EDN1: variants seen among roughly 807,000 people sequenced by gnomAD.
EDN1 encodes the protein endothelin-1.
EDN1 carries 11 observed loss-of-function variants against 21.7 expected under a neutral mutation model. The observed-to-expected ratio is 0.51, with a 90% CI of 0.32 to 0.84. The LOEUF (loss-of-function observed/expected upper bound fraction) is 0.84, where lower values mean the gene tolerates loss of function less well. EDN1 is among the 40% of genes least tolerant of loss of function. EDN1 has a pLI of 0.03. For missense variants in EDN1, 244 were observed against 262.3 expected, an observed-to-expected ratio of 0.93 and a Z score of 0.48; for synonymous variants, 85 against 90.6, an observed-to-expected ratio of 0.94 and a Z score of 0.35.
At chr6:12,260,567 C>T in the EDN1 span, among the ~76,000 whole-genome samples, 1 of 152,104 alleles carries the variant, frequency 6.6e-6, no homozygotes, top group Admixed American at 6.5e-5. Context: ...CCTCTTTTTC[C>T]CATTCTACCC....
At chr6:12,277,469 A>G in the EDN1 span, among the ~76,000 whole-genome samples, 1 of 152,382 alleles carries the variant, frequency 6.6e-6, no homozygotes, top group South Asian at 2.1e-4. Context: ...CACATGAGGA[A>G]ATGGAAACAG....
the EDN1 span, among the ~76,000 whole-genome samples, chr6:12,254,395 G>T: frequency 6.6e-6 from 1 of 152,090 alleles, no homozygotes; most frequent in South Asian, 2.1e-4. Context: ...ATCTGGTCGA[G>T]TTCCTATTCT....
At chr6:12,241,446 A>T in the EDN1 span, among the ~76,000 whole-genome samples, 1,051 of 151,754 alleles carry the variant, frequency 6.9e-3, 16 homozygotes, top group African/African-American at 0.024. Flanking sequence ...GCTGGGAAGG[A>T]CACACTTTTA....
the EDN1 span, among the ~76,000 whole-genome samples, chr6:12,277,017 G>T: frequency 6.6e-6 from 1 of 152,200 alleles, no homozygotes; most frequent in Non-Finnish European, 1.5e-5. Context: ...GCTGTAAACA[G>T]ACATTCACAG....
chr6:12,249,011 C>T, the EDN1 span, among the ~76,000 whole-genome samples: 31 of 152,330 alleles, frequency 2.0e-4, no homozygotes, highest in African/African-American at 7.5e-4. Flanking sequence ...TTATTTAGCA[C>T]AAATGTTGAA....
the EDN1 span, among the ~76,000 whole-genome samples, chr6:12,255,654 G>A: frequency 8.9e-3 from 1,358 of 152,270 alleles, 5 homozygotes; most frequent in Non-Finnish European, 0.014. Flanking sequence ...GCTTTCTAGC[G>A]TCCCTGAGAT....
chr6:12,278,094 T>A, the EDN1 span, among the ~76,000 whole-genome samples: 2 of 152,338 alleles, frequency 1.3e-5, no homozygotes, highest in South Asian at 4.1e-4. Flanking sequence ...ATTTATTGAG[T>A]AAGAAAATTA....
chr6:12,277,758 G>T, the EDN1 span, among the ~76,000 whole-genome samples: 1 of 152,234 alleles, frequency 6.6e-6, no homozygotes, highest in Non-Finnish European at 1.5e-5. Flanking sequence ...ACAATGGCGT[G>T]ATAGACATCA....
upstream of EDN1, among the ~76,000 whole-genome samples, chr6:12,289,388 T>A (rs983734291): frequency 6.6e-6 from 1 of 152,134 alleles, no homozygotes; most frequent in Admixed American, 6.5e-5. Context: ...GGTGCATTCC[T>A]CCTTCCTATG....
chr6:12,267,368 C>T, the EDN1 span, among the ~76,000 whole-genome samples: 1 of 152,108 alleles, frequency 6.6e-6, no homozygotes, highest in African/African-American at 2.4e-5. Flanking sequence ...ACTTTCAAGC[C>T]TTATAATTTA....
At chr6:12,292,093 A>C (rs1762695683) in intron 1 of EDN1, among the ~76,000 whole-genome samples, 1 of 152,168 alleles carries the variant, frequency 6.6e-6, no homozygotes, top group Non-Finnish European at 1.5e-5. Flanking sequence ...TCAGGTGTTT[A>C]TCTCCTCTGC....
At chr6:12,256,765 T>C in the EDN1 span, among the ~76,000 whole-genome samples, 1 of 152,216 alleles carries the variant, frequency 6.6e-6, no homozygotes, top group Non-Finnish European at 1.5e-5. Context: ...AATTAGATTG[T>C]ATAGTAGTAG....
rs973327816 is a variant in EDN1 at position 12,296,968 on chromosome 6, C to T, written c.*901C>T. On this transcript the variant is annotated 3_prime_UTR_variant, in exon 5 of 5. Transcript: ENST00000379375. ...GTAAAATTATTTTCCTTTATATAACCGGCTAATGAAAGAGGTTGGATTGAA... is the reference window on the plus strand; with the variant it reads ...GTAAAATTATTTTCCTTTATATAACTGGCTAATGAAAGAGGTTGGATTGAA... The T allele has an allele frequency of 3.9e-5, 6 of 152,082 alleles. No individual in the cohort carries two copies. Among genetic ancestry groups the T allele is most frequent in the African/African-American group, 7.2e-5 (3 of 41,474 alleles). 9.4% of individuals were successfully genotyped at this position (152,082 alleles called of 1,614,324 possible).
chr6:12,291,747 C>T (rs1381241151), intron 1 of EDN1, among the ~76,000 whole-genome samples: 1 of 152,128 alleles, frequency 6.6e-6, no homozygotes, highest in African/African-American at 2.4e-5. Context: ...TGGAGTTACC[C>T]TCCTGAATTG....
chr6:12,286,975 G>A (rs1762567014), upstream of EDN1, among the ~76,000 whole-genome samples: 1 of 151,988 alleles, frequency 6.6e-6, no homozygotes, highest in East Asian at 1.9e-4. Flanking sequence ...AACTTAGCTG[G>A]GCATGGTGGC....
the EDN1 span, among the ~76,000 whole-genome samples, chr6:12,274,314 T>C: frequency 1.3e-5 from 2 of 152,240 alleles, no homozygotes; most frequent in African/African-American, 2.4e-5. Context: ...TATTTCACTT[T>C]CTGGCAGAGA....
the EDN1 span, among the ~76,000 whole-genome samples, chr6:12,268,346 T>C: frequency 6.6e-6 from 1 of 152,224 alleles, no homozygotes; most frequent in Non-Finnish European, 1.5e-5. Context: ...TTAACTACTT[T>C]TTCTTTTGTT....
chr6:12,279,549 G>A, the EDN1 span, among the ~76,000 whole-genome samples: 6 of 152,220 alleles, frequency 3.9e-5, no homozygotes, highest in African/African-American at 1.4e-4. Flanking sequence ...AGGTCAGAGA[G>A]CGATCAGGGT....
chr6:12,294,290 A>T lies in EDN1; in HGVS notation c.419A>T (p.Asn140Ile). The T allele has an allele frequency of 6.2e-7, 1 of 1,614,248 alleles. No homozygotes were observed. Among genetic ancestry groups the T allele is most frequent in the South Asian group, 1.1e-5 (1 of 91,078 alleles). ...GAAGACATTATGGAGAAAGACTGGA[A>T]TAATCATAAGAAAGGAAAAGACTGT... is the stretch of plus-strand genomic sequence containing the variant. Reference protein sequence around the residue: ...RAEDIMEKDWNNHKKGKDCSK... With the variant: ...RAEDIMEKDWINHKKGKDCSK... The change falls in exon 4 of 5, where the codon AAT becomes ATT. Residue 140 changes from asparagine (N) to isoleucine (I), a missense_variant. Coordinates refer to ENST00000379375, the MANE Select transcript of EDN1 (RefSeq NM_001955.5).
Sources: gnomAD v4.1 joint callset for allele counts (sites outside exome capture counted in the v4.1 genomes callset) on GRCh38, gnomAD v4.1.1 for gene constraint, MANE v1.5 for transcripts, NCBI Gene and HGNC (gene_info 2026-07-23, HGNC 2026-07-21) for gene names.